Variants in NRXN1 observed in about 807,000 individuals in gnomAD.
The protein encoded by NRXN1 is neurexin 1, also known as neurexin-1.
Under a neutral mutation model 150.9 loss-of-function variants are expected in NRXN1, and 39 were observed. The observed-to-expected ratio is 0.26, with a 90% CI of 0.20 to 0.34. NRXN1 has a LOEUF of 0.34. NRXN1 is among the 10% of genes least tolerant of loss of function. The probability of loss-of-function intolerance (pLI) is 1.00; values close to 1 mark genes in which losing one functional copy is unlikely to be tolerated. For synonymous variants in NRXN1, 924 were observed against 757.0 expected, an observed-to-expected ratio of 1.22 and a Z score of -3.62; for missense variants, 1,815 against 1,949.9, an observed-to-expected ratio of 0.93 and a Z score of 1.30.
rs567943685 is a variant in NRXN1 at position 50,439,873 on chromosome 2, T to C, written c.3364+25569A>G. 1.7e-4 allele frequency among the ~76,000 whole-genome samples: 26 copies of C among 151,978 alleles called. 1 individual carries two copies. Among genetic ancestry groups the C allele is most frequent in the African/African-American group, 5.5e-4 (23 of 41,498 alleles). On this transcript the variant is annotated intron_variant, in intron 17 of 22. Transcript: ENST00000401669. ...AAAGGTCATTATGTGCTAGGCCTTTTCCATAATAGATTTATCTTCATGTTA... is the reference window on the plus strand; with the variant it reads ...AAAGGTCATTATGTGCTAGGCCTTTCCCATAATAGATTTATCTTCATGTTA...
At chr2:50,981,113 G>A (rs530038738) in intron 2 of NRXN1, among the ~76,000 whole-genome samples, 1 of 152,074 alleles carries the variant, frequency 6.6e-6, no homozygotes, top group East Asian at 1.9e-4. Context: ...GGAACTATCA[G>A]AAAGATAAAA....
At chr2:50,923,069 A>AT (rs921883681) in intron 3 of NRXN1, among the ~76,000 whole-genome samples, 2 of 151,810 alleles carry the variant, frequency 1.3e-5, no homozygotes, top group African/African-American at 2.4e-5. Context: ...ATGAAATTAC[A>AT]TTTTTTTAAA....
At chr2:50,878,938 T>C (rs1679022341) in intron 5 of NRXN1, among the ~76,000 whole-genome samples, 1 of 151,930 alleles carries the variant, frequency 6.6e-6, no homozygotes, top group South Asian at 2.1e-4. Flanking sequence ...TAAAGATTTG[T>C]TTTTTGTTTT....
chr2:50,733,709 A>G (rs1048480584), intron 5 of NRXN1, among the ~76,000 whole-genome samples: 2 of 152,186 alleles, frequency 1.3e-5, no homozygotes, highest in Admixed American at 6.5e-5. Flanking sequence ...GAAGATTAAT[A>G]TTTGATAATA....
chr2:50,285,437 C>T (rs1311398797), intron 17 of NRXN1, among the ~76,000 whole-genome samples: 2 of 152,158 alleles, frequency 1.3e-5, no homozygotes, highest in Non-Finnish European at 2.9e-5. Context: ...CACACACTCA[C>T]TCAGACTGGG....
At chr2:50,352,551 T>C (rs1463682569) in intron 17 of NRXN1, among the ~76,000 whole-genome samples, 2 of 151,864 alleles carry the variant, frequency 1.3e-5, no homozygotes, top group African/African-American at 4.8e-5. Flanking sequence ...TTTCTACCAG[T>C]ATCCCCATAA....
intron 17 of NRXN1, among the ~76,000 whole-genome samples, chr2:50,419,462 C>A (rs1476387025): frequency 6.6e-6 from 1 of 151,934 alleles, no homozygotes; most frequent in African/African-American, 2.4e-5. Flanking sequence ...GCTAATAATG[C>A]AAATGCCATT....
intron 18 of NRXN1, among the ~76,000 whole-genome samples, chr2:50,235,197 G>A (rs1212218529): frequency 3.3e-5 from 5 of 151,892 alleles, no homozygotes; most frequent in African/African-American, 9.7e-5. Flanking sequence ...AAATCAGAAC[G>A]GAGCAAATAC....
chr2:51,004,887 A>G (rs1043741683), intron 2 of NRXN1, among the ~76,000 whole-genome samples: 2 of 151,914 alleles, frequency 1.3e-5, no homozygotes, highest in African/African-American at 4.8e-5. Flanking sequence ...CAAAGGAATG[A>G]AAAAAGTCCT....
chr2:50,309,849 C>T (rs1407277091), intron 17 of NRXN1, among the ~76,000 whole-genome samples: 2 of 148,912 alleles, frequency 1.3e-5, no homozygotes, highest in African/African-American at 4.9e-5. Flanking sequence ...AGCAGAGAAA[C>T]TAAAAAAAAT....
At chr2:50,142,079 T>C (rs1322199861) in intron 18 of NRXN1, among the ~76,000 whole-genome samples, 4 of 151,928 alleles carry the variant, frequency 2.6e-5, no homozygotes, top group African/African-American at 7.2e-5. Flanking sequence ...GGTAAATGGA[T>C]AAAGAAGTGG....
At chr2:49,942,343 G>T (rs946495107) in intron 22 of NRXN1, among the ~76,000 whole-genome samples, 3 of 152,088 alleles carry the variant, frequency 2.0e-5, no homozygotes, top group Non-Finnish European at 4.4e-5. Flanking sequence ...CTCTCTAAGC[G>T]CTACAGTCAG....
chr2:50,085,669 T>C (rs577371677), intron 19 of NRXN1, among the ~76,000 whole-genome samples: 1 of 140,612 alleles, frequency 7.1e-6, no homozygotes, highest in Non-Finnish European at 1.5e-5. Context: ...ATAAGATAAA[T>C]TATAATTTAT....
At chr2:50,482,384 G>A (rs1023536996) in intron 15 of NRXN1, among the ~76,000 whole-genome samples, 5 of 152,046 alleles carry the variant, frequency 3.3e-5, no homozygotes, top group African/African-American at 1.2e-4. Context: ...TTTACCTTTA[G>A]GTAAAAATTG....
chr2:50,147,004 A>T (rs1466884920), intron 18 of NRXN1, among the ~76,000 whole-genome samples: 1 of 151,726 alleles, frequency 6.6e-6, no homozygotes, highest in East Asian at 1.9e-4. Context: ...ATTCCCTAAG[A>T]ATAATTTTGT....
In NRXN1 at chr2:50,797,609, G is replaced by A. The variant is rs145094246; in HGVS notation, c.832+124260C>T. Among the ~76,000 whole-genome samples, 5 of 152,140 alleles carry A rather than the reference G, an allele frequency of 3.3e-5. No individual in the cohort carries two copies. In the East Asian group the frequency reaches 5.8e-4, roughly 18 times the overall value. On this transcript the variant is annotated intron_variant, in intron 5 of 22. Coordinates refer to ENST00000401669, the MANE Select transcript of NRXN1 (RefSeq NM_001330078.2). ...TTCTACATATTATCTATGCAAACTC[G>A]GGAACACTAATTAACCCTAACACCT...
chr2:50,680,624 A>C (rs1311485510), intron 5 of NRXN1, among the ~76,000 whole-genome samples: 2 of 152,160 alleles, frequency 1.3e-5, no homozygotes. Context: ...TTTATAATGT[A>C]ACCAAGAATA....
intron 6 of NRXN1, among the ~76,000 whole-genome samples, chr2:50,622,723 C>T (rs570677426): frequency 6.6e-6 from 1 of 152,040 alleles, no homozygotes; most frequent in South Asian, 2.1e-4. Context: ...GATTAACTGG[C>T]CTTTCCAGAG....
chr2:50,514,821 A>C (rs2092577600), intron 12 of NRXN1, among the ~76,000 whole-genome samples: 1 of 152,224 alleles, frequency 6.6e-6, no homozygotes, highest in South Asian at 2.1e-4. Flanking sequence ...GAATAACAGA[A>C]ACATACTCAA....
Sources: allele counts gnomAD v4.1 joint callset (sites outside exome capture counted in the v4.1 genomes callset), GRCh38; gene constraint gnomAD v4.1.1; transcripts MANE v1.5; gene names NCBI Gene and HGNC (gene_info 2026-07-23, HGNC 2026-07-21).